The following SLC38A11 variants were observed in gnomAD, a reference collection of about 807,000 sequenced individuals.
The protein encoded by SLC38A11 is solute carrier family 38 member 11, also known as putative sodium-coupled neutral amino acid transporter 11.
In SLC38A11, 51 loss-of-function variants were observed where a neutral mutation model predicts 49.4. The ratio of observed to expected loss-of-function variants is 1.03; its 90% CI spans 0.83 to 1.30. The LOEUF (loss-of-function observed/expected upper bound fraction) is 1.30. Ranked by LOEUF, SLC38A11 falls within the 50% of genes most tolerant of loss-of-function variation. SLC38A11 has a pLI of 0.00. For missense variants in SLC38A11, 574 were observed against 556.2 expected, an observed-to-expected ratio of 1.03 and a Z score of -0.32; for synonymous variants, 203 against 192.9, an observed-to-expected ratio of 1.05 and a Z score of -0.43.
chr2:164,938,144 AATAAAT>A (rs1209521077), intron 6 of SLC38A11, among the ~76,000 whole-genome samples: 1 of 152,152 alleles, frequency 6.6e-6, no homozygotes, highest in Non-Finnish European at 1.5e-5. Context: ...GATAAGAAAA[AATAAAT>A]ATAAAACTGC....
At chr2:164,908,609 A>G in intron 11 of SLC38A11, 31 bp downstream of exon 11, 1 of 1,461,710 alleles carries the variant, frequency 6.8e-7, no homozygotes, top group Non-Finnish European at 9.1e-7. Context: ...AGAATTTTAG[A>G]GTGAAGGGGT....
intron 7 of SLC38A11, among the ~76,000 whole-genome samples, chr2:164,936,404 A>T (rs1323878640): frequency 6.6e-6 from 1 of 152,092 alleles, no homozygotes; most frequent in Admixed American, 6.6e-5. Flanking sequence ...TACCTTGGCC[A>T]CTGCATTAAC....
At position 164,915,861 on chromosome 2, in the gene SLC38A11, G is replaced by T. The variant is rs189862399; in HGVS notation, c.688+42C>A. The T allele has an allele frequency of 3.1e-4, 463 of 1,471,052 alleles. 2 individuals are homozygous for T. In the African/African-American group the frequency reaches 5.8e-3, roughly 19 times the overall value. 91.1% of individuals were successfully genotyped at this position (1,471,052 alleles called of 1,614,324 possible). On this transcript the variant is annotated intron_variant, in intron 8 of 11. Transcript: ENST00000685975. ...ACACAGCACTTTTTCATGGAACAGA[G>T]AACTCCACATTGAGAAAGGGCCTTT... is the stretch of plus-strand genomic sequence containing the variant.
chr2:164,904,215 C>T (rs1272604027), intron 11 of SLC38A11, among the ~76,000 whole-genome samples: 3 of 152,108 alleles, frequency 2.0e-5, no homozygotes, highest in African/African-American at 4.8e-5. Context: ...TGTACTGCTG[C>T]GAGTAGAAAC....
In SLC38A11 at chr2:164,937,376, T is replaced by C. The variant is rs1020431600; in HGVS notation, c.591A>G (p.Ala197=). ...LTTLILGIVM[A]RAISLGPHIP... Reference sequence around the variant, plus strand: ...TGTGTGGACCCAGTGAAATTGCCCTTGCCATTACAATTCCAAGAATCAGAG... The same window carrying C: ...TGTGTGGACCCAGTGAAATTGCCCTCGCCATTACAATTCCAAGAATCAGAG... Residue 197 remains alanine, a synonymous_variant, in exon 7 of 12, where the codon GCA becomes GCG. Coordinates refer to ENST00000685975, the MANE Select transcript of SLC38A11 (RefSeq NM_001351537.2). 1 of 1,611,860 alleles carries C rather than the reference T, an allele frequency of 6.2e-7. No individual in the cohort carries two copies. The highest frequency in any genetic ancestry group is 2.2e-5 in the East Asian group (1 of 44,770).
At chr2:164,915,317 G>A in intron 8 of SLC38A11, 44 bp from the exon 9 acceptor site, 2 of 1,533,838 alleles carry the variant, frequency 1.3e-6, no homozygotes, top group South Asian at 2.6e-5. Flanking sequence ...AAGCACCAGG[G>A]TTTTCTTTTT....
chr2:164,918,118 A>G (rs1685930403), intron 7 of SLC38A11, among the ~76,000 whole-genome samples: 1 of 151,988 alleles, frequency 6.6e-6, no homozygotes, highest in African/African-American at 2.4e-5. Context: ...GTTCTCGGGT[A>G]TATTTTATGA....
intron 3 of SLC38A11, among the ~76,000 whole-genome samples, chr2:164,946,237 GT>G (rs1251323191): frequency 9.2e-6 from 1 of 108,350 alleles, no homozygotes; most frequent in African/African-American, 2.8e-5. Context: ...AGTTATTATG[GT>G]TAAGAAAGAG....
chr2:164,940,846 CTAAA>C (rs1260113343), intron 5 of SLC38A11, among the ~76,000 whole-genome samples: 1 of 151,524 alleles, frequency 6.6e-6, no homozygotes, highest in Non-Finnish European at 1.5e-5. Context: ...TCAGCCATAA[CTAAA>C]TAGTCATTAT....
intron 8 of SLC38A11, chr2:164,915,644 G>C: frequency 2.2e-6 from 1 of 446,084 alleles, no homozygotes; most frequent in Non-Finnish European, 4.0e-6. Flanking sequence ...ACACTTGCTA[G>C]CCTTCCAAGT....
At position 164,900,570 on chromosome 2, in the gene SLC38A11, C is replaced by T. The variant is rs574022978; in HGVS notation, c.1096-1840G>A. Reference sequence around the variant, plus strand: ...TGATTAATGATGTTGAGCACTTTTTCGTATACCTGTTGGCCATTTTCATGT... The same window carrying T: ...TGATTAATGATGTTGAGCACTTTTTTGTATACCTGTTGGCCATTTTCATGT... On this transcript the variant is annotated intron_variant, in intron 11 of 11. Transcript: ENST00000685975. Among the ~76,000 whole-genome samples, 13 of 152,064 alleles carry T rather than the reference C, an allele frequency of 8.5e-5. No homozygotes were observed. The South Asian group carries it at 2.3e-3, about 27-fold the overall frequency.
At chr2:164,915,715 CA>C (rs1685733614) in intron 8 of SLC38A11, 187 bp downstream of exon 8, 1 of 533,792 alleles carries the variant, frequency 1.9e-6, no homozygotes, top group Admixed American at 2.7e-5. Flanking sequence ...CAAATTGAAG[CA>C]AATTTTAGTG....
In SLC38A11 at chr2:164,898,674, T is replaced by A. The variant is rs752083246; in HGVS notation, c.1152A>T (p.Lys384Asn). The change falls in exon 12 of 12, where the codon AAA becomes AAT. Residue 384 changes from lysine (K) to asparagine (N), a missense_variant. Lys to Asn is a moderately conservative substitution (Grantham distance 94, BLOSUM62 0). Coordinates refer to ENST00000685975, the MANE Select transcript of SLC38A11 (RefSeq NM_001351537.2). ...AGTGTGTCCTTGGTTCTTCAGACAG[T>A]TTCAGATAACAGGCTGATGGAATGA... Reference protein sequence around the residue: ...IFIIPSACYLKLSEEPRTHSD... With the variant: ...IFIIPSACYLNLSEEPRTHSD... The A allele has an allele frequency of 6.2e-7, 1 of 1,613,498 alleles. No homozygotes were observed. The highest frequency in any genetic ancestry group is 2.2e-5 in the East Asian group (1 of 44,814).
At chr2:164,924,016 G>T (rs999558689) in intron 7 of SLC38A11, among the ~76,000 whole-genome samples, 30 of 152,146 alleles carry the variant, frequency 2.0e-4, no homozygotes, top group Admixed American at 1.8e-3. Flanking sequence ...ACATGCACTT[G>T]TATGTTCACT....
chr2:164,894,716 A>T lies in SLC38A11; in HGVS notation c.*3721T>A, dbSNP rs1684357404. On this transcript the variant is annotated 3_prime_UTR_variant, in exon 12 of 12. Transcript: ENST00000685975. Reference sequence around the variant, plus strand: ...TTTCTCCCTTGTTAATTCTCCTCCCATGTCCTTTGTCATTGCTCTTCACTA... The same window carrying T: ...TTTCTCCCTTGTTAATTCTCCTCCCTTGTCCTTTGTCATTGCTCTTCACTA... Among the ~76,000 whole-genome samples the T allele has an allele frequency of 6.6e-6, 1 of 151,908 alleles. No homozygotes were observed. The highest frequency in any genetic ancestry group is 1.5e-5 in the Non-Finnish European group (1 of 67,984).
intron 7 of SLC38A11, among the ~76,000 whole-genome samples, chr2:164,916,690 T>C (rs1007415731): frequency 6.6e-6 from 1 of 152,160 alleles, no homozygotes; most frequent in Non-Finnish European, 1.5e-5. Context: ...CAACTGTAGA[T>C]GTATTTCTCA....
In SLC38A11 at chr2:164,898,281, C is replaced by T; in HGVS notation, c.*156G>A. The T allele has an allele frequency of 3.4e-6, 2 of 589,658 alleles. No homozygotes were observed. Among genetic ancestry groups the T allele is most frequent in the East Asian group, 2.9e-5 (1 of 34,532 alleles). 36.5% of individuals were successfully genotyped at this position (589,658 alleles called of 1,614,324 possible). ...TAAAGGTGAAATACATTCAATTTTT[C>T]TTTTCTTTATCTTTTATATTGCACT... On this transcript the variant is annotated 3_prime_UTR_variant, in exon 12 of 12. Transcript: ENST00000685975.
At position 164,954,571 on chromosome 2, in the gene SLC38A11, G is replaced by A. The variant is rs190628064; in HGVS notation, c.154+60C>T. The A allele has an allele frequency of 1.0e-3, 687 of 676,054 alleles. 8 individuals are homozygous for A. In the South Asian group the frequency reaches 0.01, roughly 10 times the overall value. 41.9% of individuals were successfully genotyped at this position (676,054 alleles called of 1,614,324 possible). A position where few individuals can be genotyped will look rare whatever the true frequency, so the allele number is the denominator to read the frequency against. Reference sequence around the variant, plus strand: ...AAAATAATTAATGAACACTAGCAGCGTAGCGAGTCTTAAATTTTGCCCTTT... The same window carrying A: ...AAAATAATTAATGAACACTAGCAGCATAGCGAGTCTTAAATTTTGCCCTTT... On this transcript the variant is annotated intron_variant, in intron 2 of 11. Transcript: ENST00000685975.
chr2:164,952,869 G>T, intron 2 of SLC38A11, 88 bp from the exon 3 acceptor site: 1 of 916,716 alleles, frequency 1.1e-6, no homozygotes, highest in Non-Finnish European at 1.7e-6. Context: ...GCATATAATA[G>T]GTAAAGTCAA....
Sources: allele counts gnomAD v4.1 joint callset (sites outside exome capture counted in the v4.1 genomes callset), GRCh38; gene constraint gnomAD v4.1.1; transcripts MANE v1.5; gene names NCBI Gene and HGNC (gene_info 2026-07-23, HGNC 2026-07-21).